Variants in CRACDL observed in about 807,000 individuals in gnomAD.
The protein encoded by CRACDL is CRACD-like protein.
Under a neutral mutation model 70.6 loss-of-function variants are expected in CRACDL, and 26 were observed. The ratio of observed to expected loss-of-function variants is 0.37; its 90% confidence interval spans 0.27 to 0.51. The LOEUF is 0.51. Among genes scored for constraint, CRACDL ranks in the 20% least tolerant of loss-of-function variants. CRACDL has a pLI of 0.94. For synonymous variants in CRACDL, 618 were observed against 615.2 expected (o/e 1.00, Z -0.07); for missense variants, 1,283 against 1,376.9 (o/e 0.93, Z 1.08).
intron 1 of CRACDL, among the ~76,000 whole-genome samples, chr2:98,932,774 C>T (rs1487444561): frequency 2.0e-5 from 3 of 152,292 alleles, no homozygotes; most frequent in African/African-American, 7.2e-5. Context: ...TTTTAAACTT[C>T]CTTTTATGTA....
In CRACDL at chr2:98,796,215, G is replaced by A. The variant is rs748024990; in HGVS notation, c.2654C>T (p.Thr885Ile). 1 of 1,614,116 alleles carries A rather than the reference G, an allele frequency of 6.2e-7. No individual in the cohort carries two copies. Among genetic ancestry groups the A allele is most frequent in the East Asian group, 2.2e-5 (1 of 44,902 alleles). ...DFVRSKSFLI[T>I]PVKPAVDRKQ... is the part of the protein sequence containing the mutation. ...CCGGTCCACAGCGGGCTTCACAGGG[G>A]TTATCAGGAAAGACTTGCTGCGAAC... Residue 885 changes from threonine (T) to isoleucine (I), a missense_variant, in exon 9 of 10, where the codon ACC becomes ATC. Thr to Ile is a moderately conservative substitution (Grantham distance 89). Transcript: ENST00000397899.
chr2:98,917,930 T>C (rs77731717), intron 1 of CRACDL, among the ~76,000 whole-genome samples: 20,499 of 152,274 alleles, frequency 0.13, 1,625 homozygotes, highest in Non-Finnish European at 0.17. Flanking sequence ...GTTCCATTCA[T>C]GTTGCTGGAA....
At chr2:98,798,882 C>T (rs1305328477) in intron 7 of CRACDL, among the ~76,000 whole-genome samples, 2 of 151,994 alleles carry the variant, frequency 1.3e-5, no homozygotes, top group Non-Finnish European at 2.9e-5. Context: ...TGGGGTCTTG[C>T]CATGTTGCCC....
chr2:98,847,918 T>G (rs1276371856), intron 1 of CRACDL, among the ~76,000 whole-genome samples: 1 of 152,116 alleles, frequency 6.6e-6, no homozygotes, highest in Non-Finnish European at 1.5e-5. Flanking sequence ...GGCTCTAATA[T>G]TTCGATTTCT....
chr2:98,924,499 A>G (rs1396949133), intron 1 of CRACDL, among the ~76,000 whole-genome samples: 2 of 152,244 alleles, frequency 1.3e-5, no homozygotes, highest in Non-Finnish European at 2.9e-5. Context: ...TGCTCAGCCA[A>G]ACTCAGAGAC....
At chr2:98,873,963 G>A (rs1157708562) in intron 1 of CRACDL, among the ~76,000 whole-genome samples, 3 of 152,192 alleles carry the variant, frequency 2.0e-5, no homozygotes, top group African/African-American at 7.2e-5. Context: ...CTGAGATTGT[G>A]CCACTGCACT....
At chr2:98,846,881 C>T (rs1369081335) in intron 1 of CRACDL, 71 bp from the exon 2 acceptor site, 16 of 1,267,366 alleles carry the variant, frequency 1.3e-5, no homozygotes, top group Middle Eastern at 3.7e-4. Flanking sequence ...AAATGGTGTT[C>T]GTGACTGCAT....
intron 1 of CRACDL, among the ~76,000 whole-genome samples, chr2:98,879,114 C>T (rs894725525): frequency 1.4e-4 from 22 of 152,162 alleles, no homozygotes; most frequent in African/African-American, 5.3e-4. Flanking sequence ...CACACATCTC[C>T]CTCCTGGACT....
At chr2:98,797,316 G>T in intron 8 of CRACDL, 34 bp downstream of exon 8, 2 of 1,604,470 alleles carry the variant, frequency 1.2e-6, no homozygotes, top group Non-Finnish European at 1.7e-6. Flanking sequence ...GCTCCCTCCT[G>T]CACCCACAGA....
intron 7 of CRACDL, among the ~76,000 whole-genome samples, chr2:98,804,007 G>C (rs935914206): frequency 1.6e-4 from 24 of 152,250 alleles, no homozygotes; most frequent in Non-Finnish European, 1.5e-4. Flanking sequence ...GAGGGGTTTT[G>C]CTTTTTAAAA....
intron 1 of CRACDL, among the ~76,000 whole-genome samples, chr2:98,905,718 A>G (rs984477570): frequency 2.6e-5 from 4 of 151,280 alleles, no homozygotes; most frequent in African/African-American, 9.7e-5. Flanking sequence ...CCTGGATTCA[A>G]GTGATCCTCC....
At chr2:98,862,963 TAC>T (rs1706995743) in intron 1 of CRACDL, among the ~76,000 whole-genome samples, 1 of 152,152 alleles carries the variant, frequency 6.6e-6, no homozygotes, top group South Asian at 2.1e-4. Context: ...TATCTATATA[TAC>T]ATTTTACATT....
intron 1 of CRACDL, among the ~76,000 whole-genome samples, chr2:98,910,810 T>C (rs1306261500): frequency 6.6e-6 from 1 of 152,186 alleles, no homozygotes; most frequent in Non-Finnish European, 1.5e-5. Flanking sequence ...CCATTTCCTT[T>C]TCTGCAAAGT....
chr2:98,831,426 G>T (rs1467495109), intron 5 of CRACDL, among the ~76,000 whole-genome samples: 1 of 152,184 alleles, frequency 6.6e-6, no homozygotes, highest in East Asian at 1.9e-4. Context: ...GCAGTGAGTC[G>T]CAACGAAGCT....
chr2:98,851,097 C>T (rs1238135586), intron 1 of CRACDL, among the ~76,000 whole-genome samples: 1 of 152,170 alleles, frequency 6.6e-6, no homozygotes, highest in Middle Eastern at 3.2e-3. Flanking sequence ...CACCACTCTC[C>T]AGGCTGTTTG....
rs141072917 is a variant in CRACDL, at chr2:98,819,046, T to C, written c.2416+2811A>G. Among the ~76,000 whole-genome samples the C allele has an allele frequency of 4.9e-3, 741 of 152,386 alleles. 7 individuals carry two copies. Among genetic ancestry groups the C allele is most frequent in the African/African-American group, 0.017 (709 of 41,592 alleles). Reference sequence around the variant, plus strand: ...AACTCTGACATTTCTATGGCTTTAGTGAATGTGATTAAACTTAGATGGATG... The same window carrying C: ...AACTCTGACATTTCTATGGCTTTAGCGAATGTGATTAAACTTAGATGGATG... On this transcript the variant is annotated intron_variant, in intron 7 of 9. Transcript: ENST00000397899.
At chr2:98,932,086 G>T (rs149062524) in intron 1 of CRACDL, among the ~76,000 whole-genome samples, 1 of 152,150 alleles carries the variant, frequency 6.6e-6, no homozygotes, top group Non-Finnish European at 1.5e-5. Flanking sequence ...CCTGATTTCC[G>T]TTCAGTTTGG....
At chr2:98,885,809 G>T (rs1181829871) in intron 1 of CRACDL, among the ~76,000 whole-genome samples, 1 of 151,878 alleles carries the variant, frequency 6.6e-6, no homozygotes, top group East Asian at 1.9e-4. Flanking sequence ...CATTCAATGT[G>T]ATTCAAAACA....
chr2:98,857,789 T>G (rs1289820729), intron 1 of CRACDL, among the ~76,000 whole-genome samples: 1 of 152,140 alleles, frequency 6.6e-6, no homozygotes, highest in Non-Finnish European at 1.5e-5. Context: ...TATAAGAGAC[T>G]TGAACAACCC....
Sources: gnomAD v4.1 joint callset for allele counts (sites outside exome capture counted in the v4.1 genomes callset) on GRCh38, gnomAD v4.1.1 for gene constraint, MANE v1.5 for transcripts, NCBI Gene and HGNC (gene_info 2026-07-23, HGNC 2026-07-21) for gene names.